GPR176: variants seen among roughly 807,000 people sequenced by gnomAD.
GPR176 encodes the protein G-protein coupled receptor 176.
In GPR176, 26 loss-of-function variants were observed where a neutral mutation model predicts 35.4. That is an observed-to-expected ratio of 0.74 (90% CI 0.54 to 1.02). GPR176 has a LOEUF of 1.02. Ranked by LOEUF, GPR176 falls within the 50% of genes least tolerant of loss-of-function variation. GPR176 has a pLI of 0.00. For missense variants in GPR176, 597 were observed against 665.3 expected (o/e 0.90, Z 1.13); for synonymous variants, 278 against 271.3 (o/e 1.02, Z -0.24).
At chr15:39,802,312 C>A (rs961375689) in intron 2 of GPR176, 58 bp from the exon 3 acceptor site, 2 of 1,319,576 alleles carry the variant, frequency 1.5e-6, no homozygotes, top group Non-Finnish European at 1.0e-6. Context: ...ATTAGGGGAA[C>A]CTAAATCACC....
intron 1 of GPR176, among the ~76,000 whole-genome samples, chr15:39,844,658 A>G (rs982482777): frequency 6.6e-6 from 1 of 152,052 alleles, no homozygotes; most frequent in South Asian, 2.1e-4. Context: ...TCCAGGCCCT[A>G]TAAGTGCCCA....
Position 39,854,348 on chromosome 15 carries a change from A to G in GPR176, c.173-47090T>C, listed in dbSNP as rs149548712. Reference sequence around the variant, plus strand: ...TTTGAATCAGCTCCTTTAGATGATTATATAACCAAAATGGTGTCCAGGGCC... The same window carrying G: ...TTTGAATCAGCTCCTTTAGATGATTGTATAACCAAAATGGTGTCCAGGGCC... On this transcript the variant is annotated intron_variant, in intron 1 of 2. Transcript: ENST00000561100. Among the ~76,000 whole-genome samples, 56 of 152,316 alleles carry G rather than the reference A, an allele frequency of 3.7e-4. 1 individual carries two copies. The highest frequency in any genetic ancestry group is 6.8e-3 in the Middle Eastern group (2 of 294).
At chr15:39,849,961 T>C (rs2030737376) in intron 1 of GPR176, among the ~76,000 whole-genome samples, 2 of 120,776 alleles carry the variant, frequency 1.7e-5, no homozygotes, top group Non-Finnish European at 3.5e-5. Context: ...CTGTACAGGA[T>C]GTCACTGTAC....
chr15:39,812,041 T>C (rs1436943666), intron 1 of GPR176, among the ~76,000 whole-genome samples: 1 of 152,268 alleles, frequency 6.6e-6, no homozygotes, highest in Non-Finnish European at 1.5e-5. Context: ...TGATTATTTA[T>C]ACTTCTTTTA....
At chr15:39,849,912 C>A (rs116612714) in intron 1 of GPR176, among the ~76,000 whole-genome samples, 2,056 of 152,208 alleles carry the variant, frequency 0.014, 67 homozygotes, top group African/African-American at 0.047. Flanking sequence ...CTACACAACT[C>A]GGCTATATGA....
chr15:39,807,612 C>T (rs1899283926), intron 1 of GPR176: 2 of 1,146,240 alleles, frequency 1.7e-6, no homozygotes, highest in Non-Finnish European at 2.5e-6. Flanking sequence ...TAGTGACCTC[C>T]ATGTTGCCAA....
intron 1 of GPR176, among the ~76,000 whole-genome samples, chr15:39,891,126 G>T (rs1371593263): frequency 1.3e-5 from 2 of 152,050 alleles, no homozygotes; most frequent in Non-Finnish European, 2.9e-5. Flanking sequence ...CCACTGATAA[G>T]AAATTATCTT....
chr15:39,886,116 C>T (rs2032664729), intron 1 of GPR176, among the ~76,000 whole-genome samples: 1 of 151,990 alleles, frequency 6.6e-6, no homozygotes, highest in Non-Finnish European at 1.5e-5. Flanking sequence ...GCCTGTAATC[C>T]CAGCTACTCG....
chr15:39,836,141 T>A (rs2140780943), intron 1 of GPR176, among the ~76,000 whole-genome samples: 1 of 152,220 alleles, frequency 6.6e-6, no homozygotes, highest in Admixed American at 6.5e-5. Flanking sequence ...AGTGTTTCTA[T>A]TGTTCTGGAA....
intron 1 of GPR176, among the ~76,000 whole-genome samples, chr15:39,906,106 C>A (rs910933354): frequency 6.6e-6 from 1 of 152,202 alleles, no homozygotes; most frequent in Non-Finnish European, 1.5e-5. Context: ...CAAATGGAAG[C>A]AACAGTGACG....
chr15:39,873,540 G>A (rs902701), intron 1 of GPR176, among the ~76,000 whole-genome samples: 4,427 of 151,846 alleles, frequency 0.029, 234 homozygotes, highest in African/African-American at 0.1. Flanking sequence ...GCTAATCTGT[G>A]AATTTCATGG....
chr15:39,867,683 C>A (rs978484585), intron 1 of GPR176, among the ~76,000 whole-genome samples: 3 of 152,018 alleles, frequency 2.0e-5, no homozygotes, highest in African/African-American at 7.3e-5. Context: ...CTCCCCAAGA[C>A]GTGAGTAAAC....
intron 1 of GPR176, chr15:39,829,410 A>T (rs1900912091): frequency 1.8e-6 from 2 of 1,083,594 alleles, no homozygotes; most frequent in African/African-American, 1.6e-5. Flanking sequence ...AAAGCCCTGT[A>T]GAGTGAGGTT....
chr15:39,888,184 C>G (rs1013705106), intron 1 of GPR176, among the ~76,000 whole-genome samples: 1 of 152,190 alleles, frequency 6.6e-6, no homozygotes, highest in Non-Finnish European at 1.5e-5. Context: ...CTATTCACTT[C>G]TCTGGTATCT....
intron 1 of GPR176, among the ~76,000 whole-genome samples, chr15:39,881,739 T>A (rs1449777923): frequency 6.6e-6 from 1 of 152,230 alleles, no homozygotes; most frequent in Non-Finnish European, 1.5e-5. Context: ...AAAGTGCTCA[T>A]TACAGTATAA....
Position 39,841,319 on chromosome 15 carries a change from TCCCCA to T in GPR176, c.173-34066_173-34062del, listed in dbSNP as rs564508036. On this transcript the variant is annotated intron_variant, in intron 1 of 2. Coordinates refer to ENST00000561100, the MANE Select transcript of GPR176 (RefSeq NM_007223.3). ...CACTTCTGTTATAAGTTGAATTGTG[TCCCCA>T]CCCCACCCCACCCCAAAAAATACAT... Among the ~76,000 whole-genome samples the T allele has an allele frequency of 1.2e-3, 168 of 144,960 alleles. 1 individual carries two copies. Among genetic ancestry groups the T allele is most frequent in the African/African-American group, 3.9e-3 (155 of 39,844 alleles).
chr15:39,822,625 T>TA (rs1448049364), intron 1 of GPR176, among the ~76,000 whole-genome samples: 4 of 152,220 alleles, frequency 2.6e-5, no homozygotes, highest in African/African-American at 7.2e-5. Context: ...AAACAAATTT[T>TA]AAAAAATCAT....
At chr15:39,887,801 T>C (rs1039174994) in intron 1 of GPR176, among the ~76,000 whole-genome samples, 26 of 152,268 alleles carry the variant, frequency 1.7e-4, no homozygotes, top group African/African-American at 6.3e-4. Context: ...CAGAGGAGTA[T>C]GTTGAAGGGT....
chr15:39,857,563 G>C (rs189808446), intron 1 of GPR176, among the ~76,000 whole-genome samples: 396 of 151,918 alleles, frequency 2.6e-3, no homozygotes, highest in African/African-American at 9.1e-3. Flanking sequence ...CCAGCTACTC[G>C]GAAAGATGAG....
Sources: allele counts gnomAD v4.1 joint callset (sites outside exome capture counted in the v4.1 genomes callset), GRCh38; gene constraint gnomAD v4.1.1; transcripts MANE v1.5; gene names NCBI Gene and HGNC (gene_info 2026-07-23, HGNC 2026-07-21).